The following PTCD1 variants were observed in gnomAD, a reference collection of about 807,000 sequenced individuals.
PTCD1 encodes pentatricopeptide repeat domain 1.
PTCD1 carries 50 observed loss-of-function variants against 53.4 expected under a neutral mutation model. The observed-to-expected ratio is 0.94, with a 90% CI of 0.75 to 1.19. The LOEUF (loss-of-function observed/expected upper bound fraction) is 1.19, where lower values mean the gene tolerates loss of function less well. Among genes scored for constraint, PTCD1 ranks in the 50% most tolerant of loss-of-function variants. The pLI, the probability that PTCD1 is intolerant of heterozygous loss-of-function variation, is 0.00. For synonymous variants in PTCD1, 413 were observed against 394.8 expected (o/e 1.05, Z -0.55); for missense variants, 918 against 904.8 (o/e 1.01, Z -0.19).
At chr7:99,437,397 C>T (rs1203039384) in intron 1 of PTCD1, among the ~76,000 whole-genome samples, 1 of 151,944 alleles carries the variant, frequency 6.6e-6, no homozygotes, top group Admixed American at 6.6e-5. Flanking sequence ...TTCCGCCTCC[C>T]GGATTCAAGC....
chr7:99,419,943 C>A lies in PTCD1; in HGVS notation c.*24G>T, dbSNP rs1393626729. The A allele has an allele frequency of 1.9e-6, 3 of 1,613,810 alleles. No individual in the cohort carries two copies. In the African/African-American group the frequency reaches 4.0e-5, roughly 22 times the overall value. On this transcript the variant is annotated 3_prime_UTR_variant, in exon 8 of 8. Coordinates refer to ENST00000292478, the MANE Select transcript of PTCD1 (RefSeq NM_015545.4). ...CTCCCACAGAGCACTGGGGGCCGAG[C>A]ACATTGTTCCAGCTGTGCTCCCATC...
chr7:99,438,661 G>T lies in PTCD1; in HGVS notation c.-27+31C>A, dbSNP rs975394511. 12 of 1,242,992 alleles carry T rather than the reference G, an allele frequency of 9.7e-6. No individual in the cohort carries two copies. The African/African-American group carries it at 1.9e-4, about 20-fold the overall frequency. The allele number at this position is 1,242,992 out of a possible 1,614,324, so 77.0% of individuals were successfully genotyped here. On this transcript the variant is annotated intron_variant, in intron 1 of 7. Transcript: ENST00000292478. ...CTGGCGTGTCTTGGCCCGGGTCCCG[G>T]GGCTCCTGCGAGGATCACACAGGAA...
At chr7:99,427,987 T>C (rs1796119864) in intron 5 of PTCD1, among the ~76,000 whole-genome samples, 1 of 150,652 alleles carries the variant, frequency 6.6e-6, no homozygotes, top group African/African-American at 2.5e-5. Context: ...CAGGGTCGTC[T>C]GCCTAGGAAA....
intron 5 of PTCD1, among the ~76,000 whole-genome samples, chr7:99,427,493 C>G (rs1411996625): frequency 6.7e-6 from 1 of 150,202 alleles, no homozygotes; most frequent in Non-Finnish European, 1.5e-5. Context: ...GGGGGTCAGC[C>G]CCCCGCCCAG....
chr7:99,429,296 A>G, intron 4 of PTCD1, 92 bp from the exon 5 acceptor site: 1 of 1,494,294 alleles, frequency 6.7e-7, no homozygotes, highest in Non-Finnish European at 9.3e-7. Context: ...TGGGAGGCCA[A>G]GGCAGGATGA....
chr7:99,419,695 GCCC>G lies in PTCD1; in HGVS notation c.*269_*271del, dbSNP rs1221418938. On this transcript the variant is annotated 3_prime_UTR_variant, in exon 8 of 8. Coordinates refer to ENST00000292478, the MANE Select transcript of PTCD1 (RefSeq NM_015545.4). ...CAGGCCCCAGGGACCAGATGCCCCA[GCCC>G]CCTTGTGGTGTGTGAGGTGACACAC... The G allele has an allele frequency of 1.4e-5, 10 of 692,454 alleles. No homozygotes were observed. Among genetic ancestry groups the G allele is most frequent in the Non-Finnish European group, 1.9e-5 (8 of 421,098 alleles). The allele number at this position is 692,454 out of a possible 1,614,324, so 42.9% of individuals were successfully genotyped here.
chr7:99,422,521 ATTAT>A (rs1233190864), intron 7 of PTCD1, among the ~76,000 whole-genome samples: 1 of 152,236 alleles, frequency 6.6e-6, no homozygotes, highest in Non-Finnish European at 1.5e-5. Flanking sequence ...GTTGAAAGAA[ATTAT>A]TTAGGCAGAT....
At chr7:99,433,243 G>A (rs774136851) in intron 3 of PTCD1, 35 bp downstream of exon 3, 2 of 1,613,904 alleles carry the variant, frequency 1.2e-6, no homozygotes, top group Non-Finnish European at 1.7e-6. Flanking sequence ...CAGCTTTTCA[G>A]AGCCTCACCC....
Position 99,417,922 on chromosome 7 carries a change from C to G in PTCD1, c.*2045G>C. On this transcript the variant is annotated 3_prime_UTR_variant, in exon 8 of 8. Coordinates refer to ENST00000292478, the MANE Select transcript of PTCD1 (RefSeq NM_015545.4). ...ATCAGGGAAGGACAACCAGTGAGTTCCTGTCCCTTTCAGTCCTCACAGTGA... is the reference window on the plus strand; with the variant it reads ...ATCAGGGAAGGACAACCAGTGAGTTGCTGTCCCTTTCAGTCCTCACAGTGA... 1 of 1,289,356 alleles carries G rather than the reference C, an allele frequency of 7.8e-7. No homozygotes were observed. The highest frequency in any genetic ancestry group is 1.5e-5 in the South Asian group (1 of 65,648). 79.9% of individuals were successfully genotyped at this position (1,289,356 alleles called of 1,614,324 possible).
chr7:99,428,841 C>G (rs1225973999), intron 5 of PTCD1, among the ~76,000 whole-genome samples: 1 of 135,142 alleles, frequency 7.4e-6, no homozygotes, highest in African/African-American at 2.7e-5. Context: ...GTGTGGCAGG[C>G]TTTCAAGGAA....
chr7:99,425,337 G>T lies in PTCD1; in HGVS notation c.1195C>A (p.Pro399Thr). 6.2e-7 allele frequency: 1 copy of T among 1,614,200 alleles called. No individual in the cohort carries two copies. Among genetic ancestry groups the T allele is most frequent in the South Asian group, 1.1e-5 (1 of 91,086 alleles). The change falls in exon 6 of 8, where the codon CCA becomes ACA. Residue 399 changes from proline (P) to threonine (T), a missense_variant. Transcript: ENST00000292478. ...FLEPSQALGP[P>T]EPPEARVPGK... ...GGCACTCTGGCTTCCGGAGGCTCTG[G>T]AGGCCCAAGTGCCTGAGAAGGTTCC...
chr7:99,424,106 TC>T, intron 6 of PTCD1, 149 bp from the exon 7 acceptor site: 1 of 1,179,334 alleles, frequency 8.5e-7, no homozygotes, highest in Non-Finnish European at 1.2e-6. Flanking sequence ...AATATCCCTC[TC>T]CAGCAGGAAA....
chr7:99,433,335 C>T lies in PTCD1; in HGVS notation c.537G>A (p.Leu179=), dbSNP rs1157641141. Residue 179 remains leucine (L), a synonymous_variant, in exon 3 of 8, where the codon CTG becomes CTA. Transcript: ENST00000292478. The part of the protein sequence containing the change: ...LQPMESNYTV[L]IGGCGRVGYL... Reference sequence around the variant, plus strand: ...AGCCAACCCGCCCGCAGCCCCCAATCAGCACCGTGTAGTTGCTCTCCATGG... The same window carrying T: ...AGCCAACCCGCCCGCAGCCCCCAATTAGCACCGTGTAGTTGCTCTCCATGG... The T allele has an allele frequency of 6.2e-7, 1 of 1,614,224 alleles. No individual in the cohort carries two copies. Among genetic ancestry groups the T allele is most frequent in the East Asian group, 2.2e-5 (1 of 44,882 alleles).
intron 3 of PTCD1, 77 bp downstream of exon 3, chr7:99,433,201 C>G (rs1366402941): frequency 1.1e-5 from 17 of 1,610,170 alleles, no homozygotes; most frequent in Non-Finnish European, 1.4e-5. Context: ...CAGTGTAAAG[C>G]ACTAGCAAGT....
At position 99,431,184 on chromosome 7, in the gene PTCD1, G is replaced by A. The variant is rs181739292; in HGVS notation, c.595-1378C>T. 4.4e-3 allele frequency among the ~76,000 whole-genome samples: 665 copies of A among 151,848 alleles called. 2 individuals carry two copies. Among genetic ancestry groups the A allele is most frequent in the African/African-American group, 0.015 (635 of 41,460 alleles). ...CTCTGTCGCCAGGCTAGAGTGCAGTGGCGTGATCTCGGCTCACTACGACCT... is the reference window on the plus strand; with the variant it reads ...CTCTGTCGCCAGGCTAGAGTGCAGTAGCGTGATCTCGGCTCACTACGACCT... On this transcript the variant is annotated intron_variant, in intron 3 of 7. Transcript: ENST00000292478.
At position 99,435,274 on chromosome 7, in the gene PTCD1, A is replaced by C; in HGVS notation, c.-26-6T>G. ...CTTTCCTGTCCCTCCAGGGCCTGGA[A>C]TATATCAGGAAAAATAAGAGAGTCA... On this transcript the variant is annotated splice_region_variant and splice_polypyrimidine_tract_variant and intron_variant, in intron 1 of 7. Transcript: ENST00000292478. 6.2e-7 allele frequency: 1 copy of C among 1,600,016 alleles called. No individual in the cohort carries two copies. The highest frequency in any genetic ancestry group is 8.5e-7 in the Non-Finnish European group (1 of 1,179,922).
chr7:99,425,115 C>A lies in PTCD1; in HGVS notation c.1417G>T (p.Gly473Cys). 1 of 1,614,012 alleles carries A rather than the reference C, an allele frequency of 6.2e-7. No homozygotes were observed. The highest frequency in any genetic ancestry group is 2.2e-5 in the East Asian group (1 of 44,884). ...DRLALIGGLE[G>C]FLSKMAEHRQ... ...TGCTCTGCCATCTTGCTCAGGAAGCCCTCCAGGCCCCCTATCAAGGCCAGC... is the reference window on the plus strand; with the variant it reads ...TGCTCTGCCATCTTGCTCAGGAAGCACTCCAGGCCCCCTATCAAGGCCAGC... The change falls in exon 6 of 8, where the codon GGC becomes TGC. Residue 473 changes from glycine to cysteine, a missense_variant. Coordinates refer to ENST00000292478, the MANE Select transcript of PTCD1 (RefSeq NM_015545.4).
intron 1 of PTCD1, among the ~76,000 whole-genome samples, chr7:99,437,700 C>G (rs1465958673): frequency 6.6e-6 from 1 of 152,054 alleles, no homozygotes; most frequent in Non-Finnish European, 1.5e-5. Flanking sequence ...GCGTCTCACT[C>G]TGTCACCAGG....
Position 99,419,052 on chromosome 7 carries a change from A to C in PTCD1, c.*915T>G. 3 of 312,324 alleles carry C rather than the reference A, an allele frequency of 9.6e-6. No individual in the cohort carries two copies. The allele number at this position is 312,324 out of a possible 1,614,324, so 19.3% of individuals were successfully genotyped here. On this transcript the variant is annotated 3_prime_UTR_variant, in exon 8 of 8. Coordinates refer to ENST00000292478, the MANE Select transcript of PTCD1 (RefSeq NM_015545.4). ...CCCCCTGAAGTCCCCAAACAGTAGCAGAGCCACGTCTGCTCATCGCAGGGT... is the reference window on the plus strand; with the variant it reads ...CCCCCTGAAGTCCCCAAACAGTAGCCGAGCCACGTCTGCTCATCGCAGGGT...
Sources: gnomAD v4.1 joint callset for allele counts (sites outside exome capture counted in the v4.1 genomes callset) on GRCh38, gnomAD v4.1.1 for gene constraint, MANE v1.5 for transcripts, NCBI Gene and HGNC (gene_info 2026-07-23, HGNC 2026-07-21) for gene names.